Variants in MORC2 observed in about 807,000 individuals in gnomAD.
The protein encoded by MORC2 is MORC family CW-type zinc finger 2.
Under a neutral mutation model 136.0 loss-of-function variants are expected in MORC2, and 30 were observed. The observed-to-expected ratio is 0.22, with a 90% CI of 0.17 to 0.30. The LOEUF is 0.30. MORC2 is among the 10% of genes least tolerant of loss of function. The pLI, the probability that MORC2 is intolerant of heterozygous loss-of-function variation, is 1.00. For missense variants in MORC2, 922 were observed against 1,333.1 expected, an observed-to-expected ratio of 0.69 and a Z score of 4.80; for synonymous variants, 439 against 487.0, an observed-to-expected ratio of 0.90 and a Z score of 1.30.
intron 1 of MORC2, among the ~76,000 whole-genome samples, chr22:30,964,598 A>G (rs1047766703): frequency 3.3e-5 from 5 of 152,248 alleles, no homozygotes; most frequent in Non-Finnish European, 7.3e-5. Flanking sequence ...AAAGAGAAGT[A>G]ACAGCATGAA....
intron 13 of MORC2, 43 bp from the exon 14 acceptor site, chr22:30,938,012 C>A (rs376371139): frequency 1.2e-6 from 2 of 1,613,744 alleles, no homozygotes; most frequent in Admixed American, 3.3e-5. Context: ...CCACTGGCAA[C>A]GCCCTCCTGC....
intron 1 of MORC2, among the ~76,000 whole-genome samples, chr22:30,964,171 C>T (rs2041090595): frequency 6.6e-6 from 1 of 152,116 alleles, no homozygotes; most frequent in African/African-American, 2.4e-5. Flanking sequence ...TCCTGGCTAA[C>T]ACGGTGAAAC....
intron 5 of MORC2, among the ~76,000 whole-genome samples, chr22:30,947,016 G>A (rs545325053): frequency 5.3e-5 from 8 of 152,296 alleles, no homozygotes; most frequent in African/African-American, 1.4e-4. Context: ...ATACTCACAA[G>A]CCCGAGAAAA....
rs188925071 is a variant in MORC2 at position 30,926,606 on chromosome 22, G to A, written c.*197C>T. On this transcript the variant is annotated 3_prime_UTR_variant, in exon 26 of 26. Transcript: ENST00000397641. Reference sequence around the variant, plus strand: ...AAAAAAGTATGGTCTCACAGGCACAGCATCTTCTTTTAAAAAATAAATATT... The same window carrying A: ...AAAAAAGTATGGTCTCACAGGCACAACATCTTCTTTTAAAAAATAAATATT... The A allele has an allele frequency of 2.3e-5, 3 of 127,746 alleles. No individual in the cohort carries two copies. The highest frequency in any genetic ancestry group is 1.1e-4 in the Admixed American group (1 of 9,480). 7.9% of individuals were successfully genotyped at this position (127,746 alleles called of 1,614,324 possible). A position where few individuals can be genotyped will look rare whatever the true frequency, so the allele number is the denominator to read the frequency against.
rs772369070 is a variant in MORC2 at position 30,933,533 on chromosome 22, C to A, written c.2326-13G>T. The A allele has an allele frequency of 6.2e-7, 1 of 1,613,364 alleles. No homozygotes were observed. Among genetic ancestry groups the A allele is most frequent in the South Asian group, 1.1e-5 (1 of 91,032 alleles). On this transcript the variant is annotated splice_polypyrimidine_tract_variant and intron_variant, in intron 20 of 25. Coordinates refer to ENST00000397641, the MANE Select transcript of MORC2 (RefSeq NM_001303256.3). ...CACTGTCTGAGAGCTGCGTGGAGAG[C>A]AGTCTATTAGAGGCATCCCCAGTGC...
chr22:30,946,335 A>C lies in MORC2; in HGVS notation c.426+6T>G. On this transcript the variant is annotated splice_donor_region_variant and intron_variant, in intron 6 of 25. Coordinates refer to ENST00000397641, the MANE Select transcript of MORC2 (RefSeq NM_001303256.3). ...TGGTGATGCAGACCACGATGATGGG[A>C]CCTACTTCATCAATGCCTTCTTCCT... The C allele has an allele frequency of 6.2e-7, 1 of 1,601,276 alleles. No homozygotes were observed. Among genetic ancestry groups the C allele is most frequent in the Non-Finnish European group, 8.5e-7 (1 of 1,171,932 alleles).
rs1246780273 is a variant in MORC2 at position 30,925,185 on chromosome 22, G to C, written c.*1618C>G. ...TATTGCGTTTCGATTACATGTGTGTGAATTTTAAAAACTGATTACCCTCCA... is the reference window on the plus strand; with the variant it reads ...TATTGCGTTTCGATTACATGTGTGTCAATTTTAAAAACTGATTACCCTCCA... On this transcript the variant is annotated 3_prime_UTR_variant, in exon 26 of 26. Transcript: ENST00000397641. 1 of 291,550 alleles carries C rather than the reference G, an allele frequency of 3.4e-6. No homozygotes were observed. Among genetic ancestry groups the C allele is most frequent in the African/African-American group, 2.2e-5 (1 of 45,026 alleles). The allele number at this position is 291,550 out of a possible 1,614,324, so 18.1% of individuals were successfully genotyped here.
At chr22:30,961,976 G>T (rs553971873) in intron 1 of MORC2, among the ~76,000 whole-genome samples, 1 of 151,990 alleles carries the variant, frequency 6.6e-6, no homozygotes, top group South Asian at 2.1e-4. Context: ...TGGGTGGATC[G>T]CTTGAACTCA....
In MORC2 at chr22:30,961,677, AG is replaced by A. The variant is rs2041047766; in HGVS notation, c.69-2984del. On this transcript the variant is annotated intron_variant, in intron 1 of 25. Coordinates refer to ENST00000397641, the MANE Select transcript of MORC2 (RefSeq NM_001303256.3). ...TCTTGCATCAGAATGTACTAACTTCAGAATAAATAATGAAGTTTCCAGTCTT... is the reference window on the plus strand; with the variant it reads ...TCTTGCATCAGAATGTACTAACTTCAAATAAATAATGAAGTTTCCAGTCTT... Among the ~76,000 whole-genome samples the A allele has an allele frequency of 3.3e-5, 5 of 152,354 alleles. 1 individual carries two copies. Among genetic ancestry groups the A allele is most frequent in the African/African-American group, 1.2e-4 (5 of 41,590 alleles).
chr22:30,958,565 C>G, intron 2 of MORC2, 76 bp downstream of exon 2: 1 of 1,209,704 alleles, frequency 8.3e-7, no homozygotes, highest in Admixed American at 2.2e-5. Flanking sequence ...CCTCTCAAGT[C>G]TTCAGAGAGC....
At chr22:30,927,006 G>A in intron 25 of MORC2, 135 bp from the exon 26 acceptor site, 1 of 662,100 alleles carries the variant, frequency 1.5e-6, no homozygotes, top group African/African-American at 1.8e-5. Flanking sequence ...TGGATGTCAG[G>A]CTTCTGTCCT....
At chr22:30,945,433 G>A (rs549577906) in intron 6 of MORC2, among the ~76,000 whole-genome samples, 2 of 152,216 alleles carry the variant, frequency 1.3e-5, no homozygotes, top group African/African-American at 4.8e-5. Flanking sequence ...GAATTAAATT[G>A]TAAGTCTGAA....
intron 1 of MORC2, among the ~76,000 whole-genome samples, chr22:30,965,037 A>C (rs2041105824): frequency 6.6e-6 from 1 of 152,226 alleles, no homozygotes; most frequent in Non-Finnish European, 1.5e-5. Context: ...TAGTTGAAGA[A>C]ACTGAGATTC....
At position 30,937,954 on chromosome 22, in the gene MORC2, A is replaced by C. The variant is rs141503284; in HGVS notation, c.1230T>G (p.Val410=). ...QLEGGMACGG[V]VGVVDVPYLV... ...GGTAGGGCACATCAACAACCCCAAC[A>C]ACCCCGCCACATGCCCTACAGGGAG... is the stretch of plus-strand genomic sequence containing the variant. Residue 410 remains valine (V), a synonymous_variant, in exon 14 of 26, where the codon GTT becomes GTG. Transcript: ENST00000397641. The surrounding 1 kb of genome is among the most constrained non-coding windows in gnomAD (Gnocchi z 4.7). The C allele has an allele frequency of 5.6e-6, 9 of 1,613,798 alleles. No homozygotes were observed. The African/African-American group carries it at 1.1e-4, about 19-fold the overall frequency.
chr22:30,940,640 G>A (rs2040729229), intron 10 of MORC2, 118 bp downstream of exon 10: 10 of 855,386 alleles, frequency 1.2e-5, no homozygotes, highest in Non-Finnish European at 2.0e-5. Flanking sequence ...CTATGCTTCA[G>A]GAGACCAGCC....
chr22:30,943,380 G>A (rs1307761631), intron 6 of MORC2, among the ~76,000 whole-genome samples: 1 of 152,200 alleles, frequency 6.6e-6, no homozygotes, highest in East Asian at 1.9e-4. Flanking sequence ...TGTGATGGTG[G>A]CAACACAGGT....
At chr22:30,959,979 GTTTTT>G (rs1301816641) in intron 1 of MORC2, among the ~76,000 whole-genome samples, 6 of 152,006 alleles carry the variant, frequency 3.9e-5, no homozygotes, top group Non-Finnish European at 8.8e-5. Flanking sequence ...GTTTTGTTTT[GTTTTT>G]GAGACAGAGT....
At chr22:30,929,423 A>C (rs2040539540) in intron 24 of MORC2, among the ~76,000 whole-genome samples, 1 of 152,202 alleles carries the variant, frequency 6.6e-6, no homozygotes, top group African/African-American at 2.4e-5. Context: ...AATGAACAGT[A>C]GACTTTGTTT....
At chr22:30,948,345 T>G (rs894365307) in intron 5 of MORC2, among the ~76,000 whole-genome samples, 19 of 152,190 alleles carry the variant, frequency 1.2e-4, no homozygotes, top group Admixed American at 1.1e-3. Flanking sequence ...ACTTCAGTTT[T>G]GGGGGATTTA....
Sources: allele counts gnomAD v4.1 joint callset (sites outside exome capture counted in the v4.1 genomes callset), GRCh38; gene constraint gnomAD v4.1.1; non-coding constraint Gnocchi (gnomAD v3.1); transcripts MANE v1.5; gene names NCBI Gene and HGNC (gene_info 2026-07-23, HGNC 2026-07-21).